The following PPIG variants were observed in gnomAD, a reference collection of about 807,000 sequenced individuals.
The protein encoded by PPIG is peptidyl-prolyl cis-trans isomerase G.
PPIG carries 26 observed loss-of-function variants against 87.9 expected under a neutral mutation model. The ratio of observed to expected loss-of-function variants is 0.30; its 90% CI spans 0.22 to 0.41. The LOEUF is 0.41. PPIG is among the 10% of genes least tolerant of loss of function. The pLI is 1.00. For missense variants in PPIG, 722 were observed against 879.4 expected, an observed-to-expected ratio of 0.82 and a Z score of 2.26; for synonymous variants, 308 against 276.5, an observed-to-expected ratio of 1.11 and a Z score of -1.13.
At chr2:169,593,492 A>T (rs1451110586) in intron 1 of PPIG, among the ~76,000 whole-genome samples, 1 of 152,150 alleles carries the variant, frequency 6.6e-6, no homozygotes, top group Non-Finnish European at 1.5e-5. Context: ...AACTAGAAAG[A>T]AGTAGTGAGG....
intron 1 of PPIG, among the ~76,000 whole-genome samples, chr2:169,593,133 T>TAG (rs1684913922): frequency 6.6e-6 from 1 of 151,862 alleles, no homozygotes; most frequent in African/African-American, 2.4e-5. Flanking sequence ...TGTGTATATA[T>TAG]ATATATATAT....
chr2:169,602,337 T>A (rs1685207737), intron 1 of PPIG, among the ~76,000 whole-genome samples: 1 of 151,722 alleles, frequency 6.6e-6, no homozygotes. Context: ...TGTTTGATTG[T>A]TTGAGTCTCG....
At chr2:169,634,692 T>G (rs879540351) in intron 12 of PPIG, among the ~76,000 whole-genome samples, 1 of 152,210 alleles carries the variant, frequency 6.6e-6, no homozygotes. Flanking sequence ...AACTTAACTA[T>G]GGTAAGATAC....
At chr2:169,622,916 T>C (rs139536601) in intron 9 of PPIG, among the ~76,000 whole-genome samples, 8 of 152,282 alleles carry the variant, frequency 5.3e-5, no homozygotes, top group Non-Finnish European at 2.9e-5. Flanking sequence ...TAAAACCTTG[T>C]ATGAGAGATT....
intron 1 of PPIG, among the ~76,000 whole-genome samples, chr2:169,597,775 A>G (rs1685059926): frequency 6.6e-6 from 1 of 152,112 alleles, no homozygotes; most frequent in African/African-American, 2.4e-5. Context: ...CTGGGATTAC[A>G]AGCATGAGCC....
intron 1 of PPIG, among the ~76,000 whole-genome samples, chr2:169,589,573 C>T (rs763673574): frequency 5.3e-5 from 8 of 152,052 alleles, no homozygotes; most frequent in Non-Finnish European, 7.3e-5. Context: ...TATAAATTGT[C>T]TCCTGTTTCA....
intron 1 of PPIG, among the ~76,000 whole-genome samples, chr2:169,593,093 A>G (rs1180900198): frequency 2.0e-5 from 3 of 151,844 alleles, no homozygotes; most frequent in Non-Finnish European, 4.4e-5. Context: ...CCATTTCCAC[A>G]CATGTACATT....
Position 169,632,590 on chromosome 2 carries a change from A to T in PPIG, c.930-570A>T, listed in dbSNP as rs575996570. On this transcript the variant is annotated intron_variant, in intron 11 of 13. Coordinates refer to ENST00000260970, the MANE Select transcript of PPIG (RefSeq NM_004792.3). ...CCCCATCTCTACTAAAAATACAAAA[A>T]ATTAGCCGGGTGTGGTGGCGGGTGC... Among the ~76,000 whole-genome samples, 21 of 151,884 alleles carry T rather than the reference A, an allele frequency of 1.4e-4. No homozygotes were observed. The East Asian group carries it at 3.9e-3, about 28-fold the overall frequency.
chr2:169,601,817 A>G (rs979202581), intron 1 of PPIG, among the ~76,000 whole-genome samples: 1 of 152,036 alleles, frequency 6.6e-6, no homozygotes, highest in African/African-American at 2.4e-5. Context: ...CACAAGCCAC[A>G]TGTGCTTTTT....
Position 169,638,182 on chromosome 2 carries a change from T to G in PPIG, c.*659T>G, listed in dbSNP as rs975298918. 2.0e-5 allele frequency: 3 copies of G among 152,114 alleles called. No homozygotes were observed. Among genetic ancestry groups the G allele is most frequent in the African/African-American group, 7.2e-5 (3 of 41,450 alleles). The allele number at this position is 152,114 out of a possible 1,614,324, so 9.4% of individuals were successfully genotyped here. A position where few individuals can be genotyped will look rare whatever the true frequency, so the allele number is the denominator to read the frequency against. On this transcript the variant is annotated 3_prime_UTR_variant, in exon 14 of 14. Coordinates refer to ENST00000260970, the MANE Select transcript of PPIG (RefSeq NM_004792.3). ...GCCTATAAAAATCGTAAGAGTAATTTTTTTCAGTTGATGTACTGATTGAGC... is the reference window on the plus strand; with the variant it reads ...GCCTATAAAAATCGTAAGAGTAATTGTTTTCAGTTGATGTACTGATTGAGC...
chr2:169,636,310 T>C (rs1686179268), intron 13 of PPIG, 82 bp downstream of exon 13: 9 of 1,484,462 alleles, frequency 6.1e-6, no homozygotes, highest in African/African-American at 5.7e-5. Flanking sequence ...GTCATTTTAG[T>C]TATTGCTGAA....
chr2:169,613,572 A>G (rs1027624326), intron 7 of PPIG, among the ~76,000 whole-genome samples: 10 of 152,192 alleles, frequency 6.6e-5, no homozygotes, highest in African/African-American at 2.2e-4. Flanking sequence ...CGTTTGCCAA[A>G]AAATGCTTAT....
intron 9 of PPIG, among the ~76,000 whole-genome samples, chr2:169,618,020 G>A (rs1425709508): frequency 1.3e-5 from 2 of 151,984 alleles, no homozygotes; most frequent in Admixed American, 6.6e-5. Flanking sequence ...ATTTTGAGAT[G>A]TGTTCCCTCA....
At chr2:169,596,474 G>C (rs751177436) in intron 1 of PPIG, among the ~76,000 whole-genome samples, 1 of 152,176 alleles carries the variant, frequency 6.6e-6, no homozygotes. Context: ...AAAAGCAGAT[G>C]GTGCCAGAAG....
At chr2:169,609,206 T>C (rs1685420443) in intron 7 of PPIG, among the ~76,000 whole-genome samples, 2 of 151,982 alleles carry the variant, frequency 1.3e-5, no homozygotes, top group South Asian at 2.1e-4. Context: ...GAACAAATAA[T>C]TGATTTTTTT....
intron 7 of PPIG, among the ~76,000 whole-genome samples, chr2:169,612,364 A>G (rs1307679502): frequency 6.9e-6 from 1 of 145,888 alleles, no homozygotes; most frequent in East Asian, 2.0e-4. Flanking sequence ...ATATTGTAAC[A>G]TGTATCAGAA....
At chr2:169,629,357 A>G (rs1211530560) in intron 9 of PPIG, among the ~76,000 whole-genome samples, 16 of 152,238 alleles carry the variant, frequency 1.1e-4, no homozygotes, top group Non-Finnish European at 2.9e-5. Flanking sequence ...ATACACACAT[A>G]CACATTCCTA....
In PPIG at chr2:169,631,750, G is replaced by A; in HGVS notation, c.762-16G>A. ...TAACCAACTGTAACTTGTTTTGTGT[G>A]TTTCTGTCTGTTAAGTGCATCTAGT... On this transcript the variant is annotated splice_polypyrimidine_tract_variant and intron_variant, in intron 10 of 13. Coordinates refer to ENST00000260970, the MANE Select transcript of PPIG (RefSeq NM_004792.3). 1.2e-6 allele frequency: 2 copies of A among 1,613,470 alleles called. No individual in the cohort carries two copies. Among genetic ancestry groups the A allele is most frequent in the Non-Finnish European group, 1.7e-6 (2 of 1,179,720 alleles).
rs560068371 is a variant in PPIG at position 169,638,194 on chromosome 2, T to C, written c.*671T>C. ...CGTAAGAGTAATTTTTTTCAGTTGA[T>C]GTACTGATTGAGCTTGAGTTGCTGT... is the stretch of plus-strand genomic sequence containing the variant. On this transcript the variant is annotated 3_prime_UTR_variant, in exon 14 of 14. Transcript: ENST00000260970. 2 of 152,214 alleles carry C rather than the reference T, an allele frequency of 1.3e-5. No individual in the cohort carries two copies. Among genetic ancestry groups the C allele is most frequent in the African/African-American group, 4.8e-5 (2 of 41,568 alleles). 9.4% of individuals were successfully genotyped at this position (152,214 alleles called of 1,614,324 possible). A position where few individuals can be genotyped will look rare whatever the true frequency, so the allele number is the denominator to read the frequency against.
Sources: allele counts gnomAD v4.1 joint callset (sites outside exome capture counted in the v4.1 genomes callset), GRCh38; gene constraint gnomAD v4.1.1; transcripts MANE v1.5; gene names NCBI Gene and HGNC (gene_info 2026-07-23, HGNC 2026-07-21).